The following GRID2 variants were observed in gnomAD, a reference collection of about 807,000 sequenced individuals.
GRID2 encodes the protein glutamate receptor ionotropic, delta-2.
A neutral mutation model predicts 114.8 loss-of-function variants in GRID2; 33 were observed. That is an observed-to-expected ratio of 0.29 (90% CI 0.22 to 0.38). GRID2 has a LOEUF of 0.38. Among genes scored for constraint, GRID2 ranks in the 10% least tolerant of loss-of-function variants. The pLI, the probability that GRID2 is intolerant of heterozygous loss-of-function variation, is 1.00. For synonymous variants in GRID2, 505 were observed against 449.9 expected (o/e 1.12, Z -1.55); for missense variants, 1,184 against 1,257.7 (o/e 0.94, Z 0.89).
chr4:92,974,678 G>T (rs1753738805), intron 2 of GRID2, among the ~76,000 whole-genome samples: 1 of 150,584 alleles, frequency 6.6e-6, no homozygotes, highest in East Asian at 2.0e-4. Flanking sequence ...ACACCAGAAC[G>T]TGTCGCGGGG....
chr4:92,588,415 G>A (rs1485324829), intron 1 of GRID2, among the ~76,000 whole-genome samples: 1 of 151,736 alleles, frequency 6.6e-6, no homozygotes, highest in African/African-American at 2.4e-5. Flanking sequence ...GGTGGCTCAC[G>A]CCTGTAATGC....
intron 5 of GRID2, among the ~76,000 whole-genome samples, chr4:93,211,788 C>G (rs944990601): frequency 1.4e-4 from 22 of 152,090 alleles, no homozygotes; most frequent in African/African-American, 5.3e-4. Flanking sequence ...TTTATCTGAA[C>G]AAGGTTAAAA....
At chr4:92,770,826 A>AT (rs1219611875) in intron 2 of GRID2, among the ~76,000 whole-genome samples, 1 of 152,168 alleles carries the variant, frequency 6.6e-6, no homozygotes, top group African/African-American at 2.4e-5. Flanking sequence ...ACAACTCAAG[A>AT]TAAGATTTGA....
chr4:93,123,274 T>C (rs566259325), intron 4 of GRID2, among the ~76,000 whole-genome samples: 1 of 152,142 alleles, frequency 6.6e-6, no homozygotes, highest in African/African-American at 2.4e-5. Context: ...AATAAGTCAA[T>C]CATTTTTATT....
chr4:93,025,948 G>A (rs1208832723), intron 2 of GRID2, among the ~76,000 whole-genome samples: 2 of 151,622 alleles, frequency 1.3e-5, no homozygotes, highest in African/African-American at 4.8e-5. Context: ...TTAATATCTA[G>A]ACATCAATCC....
chr4:93,449,281 G>T (rs1395707981), intron 10 of GRID2, among the ~76,000 whole-genome samples: 1 of 151,900 alleles, frequency 6.6e-6, no homozygotes, highest in African/African-American at 2.4e-5. Flanking sequence ...TTTTCCTTCT[G>T]CTTTCTGTAG....
chr4:92,308,792 G>A (rs1464806531), intron 1 of GRID2, among the ~76,000 whole-genome samples: 2 of 151,394 alleles, frequency 1.3e-5, no homozygotes, highest in Non-Finnish European at 2.9e-5. Context: ...ATAACCCCCA[G>A]GACTCCTCAA....
chr4:92,634,747 C>CTTTTTTTTTTT (rs3077529), intron 2 of GRID2, among the ~76,000 whole-genome samples: 1 of 121,202 alleles, frequency 8.3e-6, no homozygotes, highest in African/African-American at 3.1e-5. Flanking sequence ...TTTTTTTTTT[C>CTTTTTTTTTTT]TTTTTTTTTT....
chr4:92,395,594 C>G (rs1168493827), intron 1 of GRID2, among the ~76,000 whole-genome samples: 1 of 151,746 alleles, frequency 6.6e-6, no homozygotes, highest in African/African-American at 2.4e-5. Flanking sequence ...CTATAACGAG[C>G]TCTCTTGCCC....
At chr4:92,534,817 G>A (rs756682215) in intron 1 of GRID2, among the ~76,000 whole-genome samples, 1 of 152,026 alleles carries the variant, frequency 6.6e-6, no homozygotes, top group South Asian at 2.1e-4. Context: ...TATTAAAGAC[G>A]TTAATATTAT....
intron 2 of GRID2, among the ~76,000 whole-genome samples, chr4:92,733,794 T>C (rs1433277667): frequency 6.6e-6 from 1 of 152,004 alleles, no homozygotes; most frequent in Non-Finnish European, 1.5e-5. Flanking sequence ...TTAAAACTGG[T>C]GTGATTACTG....
chr4:92,506,104 A>G (rs1213990986), intron 1 of GRID2, among the ~76,000 whole-genome samples: 4 of 152,032 alleles, frequency 2.6e-5, no homozygotes, highest in Admixed American at 6.6e-5. Context: ...AGCTTTATAT[A>G]GTGATAATTT....
chr4:92,770,341 G>C (rs775034295), intron 2 of GRID2, among the ~76,000 whole-genome samples: 14 of 152,114 alleles, frequency 9.2e-5, no homozygotes, highest in Admixed American at 1.3e-4. Context: ...CAAGTCTCTA[G>C]GAAGTTCCAA....
intron 1 of GRID2, among the ~76,000 whole-genome samples, chr4:92,454,119 T>A (rs1308439456): frequency 1.4e-5 from 2 of 144,468 alleles, no homozygotes; most frequent in Admixed American, 1.4e-4. Flanking sequence ...TAAATAATAA[T>A]GACACATTGT....
At chr4:92,512,208 G>A (rs1305681537) in intron 1 of GRID2, among the ~76,000 whole-genome samples, 2 of 151,698 alleles carry the variant, frequency 1.3e-5, no homozygotes, top group African/African-American at 4.8e-5. Flanking sequence ...GAATACTCTT[G>A]CTTCTAAGGC....
intron 13 of GRID2, among the ~76,000 whole-genome samples, chr4:93,549,698 A>G (rs1382915296): frequency 1.3e-5 from 2 of 152,154 alleles, no homozygotes; most frequent in African/African-American, 2.4e-5. Context: ...ATCACACTGG[A>G]TTGTTGAAGT....
intron 1 of GRID2, among the ~76,000 whole-genome samples, chr4:92,469,023 C>T (rs907368979): frequency 6.6e-6 from 1 of 152,150 alleles, no homozygotes; most frequent in African/African-American, 2.4e-5. Context: ...CAACCTATGT[C>T]ACTGCCTGGG....
At chr4:92,977,480 C>A (rs544899946) in intron 2 of GRID2, among the ~76,000 whole-genome samples, 2 of 152,200 alleles carry the variant, frequency 1.3e-5, no homozygotes, top group South Asian at 4.1e-4. Flanking sequence ...GAGAAGCAGG[C>A]ATGAGCCAGA....
intron 13 of GRID2, among the ~76,000 whole-genome samples, chr4:93,575,902 T>C (rs1736377116): frequency 6.6e-6 from 1 of 152,190 alleles, no homozygotes; most frequent in Admixed American, 6.5e-5. Context: ...GGCCTTGATA[T>C]TTTTGGGCAT....
Sources: gnomAD v4.1 joint callset for allele counts (sites outside exome capture counted in the v4.1 genomes callset) on GRCh38, gnomAD v4.1.1 for gene constraint, MANE v1.5 for transcripts, NCBI Gene and HGNC (gene_info 2026-07-23, HGNC 2026-07-21) for gene names.